AGAP1: variants seen among roughly 807,000 people sequenced by gnomAD.
AGAP1 encodes the protein arf-GAP with GTPase, ANK repeat and PH domain-containing protein 1.
A neutral mutation model predicts 105.3 loss-of-function variants in AGAP1; 29 were observed. That is an observed-to-expected ratio of 0.28 (90% CI 0.21 to 0.38). AGAP1 has a LOEUF of 0.38. AGAP1 is among the 10% of genes least tolerant of loss of function. The pLI, the probability that AGAP1 is intolerant of heterozygous loss-of-function variation, is 1.00. For synonymous variants in AGAP1, 509 were observed against 485.9 expected, an observed-to-expected ratio of 1.05 and a Z score of -0.63; for missense variants, 998 against 1,165.1, an observed-to-expected ratio of 0.86 and a Z score of 2.09.
chr2:235,560,700 G>A (rs1574847839), intron 1 of AGAP1, among the ~76,000 whole-genome samples: 1 of 152,188 alleles, frequency 6.6e-6, no homozygotes, highest in South Asian at 2.1e-4. Context: ...GAAACTTGGA[G>A]CCTCCTGAAG....
chr2:236,103,252 A>AG (rs1486015918), intron 16 of AGAP1, among the ~76,000 whole-genome samples: 29 of 152,130 alleles, frequency 1.9e-4, no homozygotes, highest in African/African-American at 7.0e-4. Flanking sequence ...CTCTACACCG[A>AG]GGTCACTGGT....
At chr2:235,532,308 C>T (rs2149076212) in intron 1 of AGAP1, among the ~76,000 whole-genome samples, 2 of 152,284 alleles carry the variant, frequency 1.3e-5, no homozygotes, top group Admixed American at 1.3e-4. Context: ...CCTCTGCCTG[C>T]CCAGCTCAAG....
Position 235,965,215 on chromosome 2 carries a change from C to T in AGAP1, c.1484-3247C>T, listed in dbSNP as rs1401165943. 6.6e-6 allele frequency among the ~76,000 whole-genome samples: 1 copy of T among 152,188 alleles called. No homozygotes were observed. Among genetic ancestry groups the T allele is most frequent in the African/African-American group, 2.4e-5 (1 of 41,448 alleles). ...CGGAATGCAAAGGTCAGAGTGAGTG[C>T]TGTTTCTTGGGAGCCGGCTGCCGGG... On this transcript the variant is annotated intron_variant, in intron 12 of 17. Transcript: ENST00000304032. This position sits in a 1 kb window ranked among gnomAD's most constrained non-coding sequence, Gnocchi z 5.8.
intron 11 of AGAP1, among the ~76,000 whole-genome samples, chr2:235,914,850 C>A: frequency 6.6e-6 from 1 of 152,180 alleles, no homozygotes; most frequent in East Asian, 1.9e-4. Context: ...CAGTGTTGTC[C>A]CTGCCACCAA....
chr2:235,846,092 A>C (rs937120864), intron 9 of AGAP1, among the ~76,000 whole-genome samples: 2 of 152,174 alleles, frequency 1.3e-5, no homozygotes, highest in African/African-American at 2.4e-5. Flanking sequence ...TTTTACTGAG[A>C]TTGTATATTT....
At chr2:235,757,925 C>T (rs1451692896) in intron 6 of AGAP1, among the ~76,000 whole-genome samples, 1 of 152,154 alleles carries the variant, frequency 6.6e-6, no homozygotes, top group Non-Finnish European at 1.5e-5. Flanking sequence ...GTCTTCTGGG[C>T]CTCTTCTCCT....
intron 1 of AGAP1, among the ~76,000 whole-genome samples, chr2:235,686,556 TAC>T (rs10700794): frequency 0.38 from 38,149 of 101,540 alleles, 7,129 homozygotes; most frequent in East Asian, 0.59. Flanking sequence ...GATATATATA[TAC>T]ACACACACAC....
In AGAP1 at chr2:235,931,787, C is replaced by T. The variant is rs1053780681; in HGVS notation, c.1483+864C>T. Reference sequence around the variant, plus strand: ...TCCTTATTTCTAGTGGCTCCGCAGACGCCACCAAGCAGAAGCCTTAAAGGA... The same window carrying T: ...TCCTTATTTCTAGTGGCTCCGCAGATGCCACCAAGCAGAAGCCTTAAAGGA... On this transcript the variant is annotated intron_variant, in intron 12 of 17. Coordinates refer to ENST00000304032, the MANE Select transcript of AGAP1 (RefSeq NM_001037131.3). This position sits in a 1 kb window ranked among gnomAD's most constrained non-coding sequence, Gnocchi z 5.6. Among the ~76,000 whole-genome samples, 2 of 151,940 alleles carry T rather than the reference C, an allele frequency of 1.3e-5. No individual in the cohort carries two copies. The highest frequency in any genetic ancestry group is 2.9e-5 in the Non-Finnish European group (2 of 68,014).
In AGAP1 at chr2:235,662,361, C is replaced by G. The variant is rs1337840680; in HGVS notation, c.164-46818C>G. On this transcript the variant is annotated intron_variant, in intron 1 of 17. Transcript: ENST00000304032. The surrounding 1 kb of genome is among the most constrained non-coding windows in gnomAD (Gnocchi z 4.2). ...TGATGAGGAAAGTCTTGGTATGTAACCAACCAGGTCTCACCTTCAGCCACA... is the reference window on the plus strand; with the variant it reads ...TGATGAGGAAAGTCTTGGTATGTAAGCAACCAGGTCTCACCTTCAGCCACA... Among the ~76,000 whole-genome samples, 2 of 152,172 alleles carry G rather than the reference C, an allele frequency of 1.3e-5. No individual in the cohort carries two copies. The highest frequency in any genetic ancestry group is 1.5e-5 in the Non-Finnish European group (1 of 68,024).
At chr2:235,776,933 A>G (rs949042668) in intron 6 of AGAP1, 2 of 471,044 alleles carry the variant, frequency 4.2e-6, no homozygotes, top group African/African-American at 4.0e-5. Flanking sequence ...GCCTCGGAGC[A>G]GGAAAAGCTG....
chr2:235,880,739 CAA>C (rs200556615), intron 9 of AGAP1, among the ~76,000 whole-genome samples: 6 of 91,608 alleles, frequency 6.5e-5, no homozygotes, highest in Admixed American at 1.3e-4. Context: ...GACTCCGTCT[CAA>C]AAAAAAAAAA....
At chr2:235,735,711 G>A (rs1457320477) in intron 3 of AGAP1, among the ~76,000 whole-genome samples, 4 of 152,122 alleles carry the variant, frequency 2.6e-5, no homozygotes, top group Non-Finnish European at 5.9e-5. Context: ...TCTGCAGTGT[G>A]GGATTTAGGG....
At position 236,076,427 on chromosome 2, in the gene AGAP1, A is replaced by G. The variant is rs2058636599; in HGVS notation, c.2114+27146A>G. Reference sequence around the variant, plus strand: ...ACCATTGTACTCCAGCCTGGGTGACAGAGTGAGACTCCATCTCAAAAAAAA... The same window carrying G: ...ACCATTGTACTCCAGCCTGGGTGACGGAGTGAGACTCCATCTCAAAAAAAA... On this transcript the variant is annotated intron_variant, in intron 16 of 17. Coordinates refer to ENST00000304032, the MANE Select transcript of AGAP1 (RefSeq NM_001037131.3). The surrounding 1 kb of genome is among the most constrained non-coding windows in gnomAD (Gnocchi z 4.4). 6.6e-6 allele frequency among the ~76,000 whole-genome samples: 1 copy of G among 152,100 alleles called. No homozygotes were observed. The highest frequency in any genetic ancestry group is 1.5e-5 in the Non-Finnish European group (1 of 68,016).
In AGAP1 at chr2:235,541,711, A is replaced by G. The variant is rs143224950; in HGVS notation, c.163+46862A>G. On this transcript the variant is annotated intron_variant, in intron 1 of 17. Transcript: ENST00000304032. ...GCCTCCATTCTTAATTTTATCACTT[A>G]ACATATTTGTATCTATATCTGAATC... 1.2e-3 allele frequency among the ~76,000 whole-genome samples: 177 copies of G among 152,260 alleles called. 1 individual carries two copies. Among genetic ancestry groups the G allele is most frequent in the African/African-American group, 4.0e-3 (165 of 41,552 alleles).
In AGAP1 at chr2:235,665,227, C is replaced by T. The variant is rs971065363; in HGVS notation, c.164-43952C>T. 4.6e-5 allele frequency among the ~76,000 whole-genome samples: 7 copies of T among 152,130 alleles called. No individual in the cohort carries two copies. The highest frequency in any genetic ancestry group is 2.0e-4 in the Admixed American group (3 of 15,260). On this transcript the variant is annotated intron_variant, in intron 1 of 17. Transcript: ENST00000304032. The surrounding 1 kb of genome is among the most constrained non-coding windows in gnomAD (Gnocchi z 5.3). ...TGGTGTGTTCATACACAATAGACATCGCCAGTGTTCTGTTGGCAGGAATTG... is the reference window on the plus strand; with the variant it reads ...TGGTGTGTTCATACACAATAGACATTGCCAGTGTTCTGTTGGCAGGAATTG...
At position 235,964,125 on chromosome 2, in the gene AGAP1, G is replaced by A. The variant is rs192295670; in HGVS notation, c.1484-4337G>A. ...CCTCGTGCAGAAGGTCCTAACTGTG[G>A]GCTCCGTGGGAGTGTAGAGATGAGA... On this transcript the variant is annotated intron_variant, in intron 12 of 17. Coordinates refer to ENST00000304032, the MANE Select transcript of AGAP1 (RefSeq NM_001037131.3). The surrounding 1 kb of genome is among the most constrained non-coding windows in gnomAD (Gnocchi z 4.6). Among the ~76,000 whole-genome samples, 6 of 152,234 alleles carry A rather than the reference G, an allele frequency of 3.9e-5. No individual in the cohort carries two copies. The highest frequency in any genetic ancestry group is 7.2e-5 in the African/African-American group (3 of 41,522).
rs1281249650 is a variant in AGAP1, at chr2:235,732,030, C to G, written c.311-8933C>G. Among the ~76,000 whole-genome samples the G allele has an allele frequency of 6.6e-6, 1 of 152,136 alleles. No homozygotes were observed. Among genetic ancestry groups the G allele is most frequent in the Non-Finnish European group, 1.5e-5 (1 of 68,038 alleles). ...ACCTGTGTGCTGTTTTTCTGCAGAC[C>G]TTGGTTTTCTCATCTTGAAAGTTGT... On this transcript the variant is annotated intron_variant, in intron 3 of 17. Coordinates refer to ENST00000304032, the MANE Select transcript of AGAP1 (RefSeq NM_001037131.3). The surrounding 1 kb of genome is among the most constrained non-coding windows in gnomAD (Gnocchi z 4.8).
chr2:236,005,981 A>G lies in AGAP1; in HGVS notation c.1646-30580A>G, dbSNP rs910553680. On this transcript the variant is annotated intron_variant, in intron 13 of 17. Transcript: ENST00000304032. This position sits in a 1 kb window ranked among gnomAD's most constrained non-coding sequence, Gnocchi z 4.1. ...GTGCACTTAAGGAGTTGGGCGTTAG[A>G]CCCCCTGTCCTTGAGGGTGGGGTGT... 6.6e-6 allele frequency among the ~76,000 whole-genome samples: 1 copy of G among 151,914 alleles called. No homozygotes were observed. The highest frequency in any genetic ancestry group is 2.4e-5 in the African/African-American group (1 of 41,326).
intron 9 of AGAP1, among the ~76,000 whole-genome samples, chr2:235,861,538 C>T (rs2048928191): frequency 6.6e-6 from 1 of 152,212 alleles, no homozygotes; most frequent in African/African-American, 2.4e-5. Context: ...AAATGAAACA[C>T]ATCCAAGCTG....
Sources: allele counts gnomAD v4.1 joint callset (sites outside exome capture counted in the v4.1 genomes callset), GRCh38; gene constraint gnomAD v4.1.1; non-coding constraint Gnocchi (gnomAD v3.1); transcripts MANE v1.5; gene names NCBI Gene and HGNC (gene_info 2026-07-23, HGNC 2026-07-21).